The following DROSHA variants were observed in gnomAD, a reference collection of about 807,000 sequenced individuals.
DROSHA encodes drosha ribonuclease III, also known as ribonuclease 3.
DROSHA carries 56 observed loss-of-function variants against 181.9 expected under a neutral mutation model. That is an observed-to-expected ratio of 0.31 (90% confidence interval 0.25 to 0.38). The LOEUF is 0.38. Ranked by LOEUF, DROSHA falls within the 10% of genes least tolerant of loss-of-function variation. DROSHA has a pLI of 1.00. For synonymous variants in DROSHA, 524 were observed against 591.2 expected (o/e 0.89, Z 1.65); for missense variants, 1,218 against 1,743.5 (o/e 0.70, Z 5.37).
chr5:31,493,246 A>G lies in DROSHA; in HGVS notation c.1803T>C (p.Phe601=). The change falls in exon 13 of 36, where the codon TTT becomes TTC. Residue 601 remains phenylalanine, a synonymous_variant. Transcript: ENST00000344624. The part of the protein sequence containing the change: ...VIEYDDHEYI[F]EGFSMFAHAP... ...CATGTGCAAACATAGAAAATCCTTC[A>G]AAGATATACTCGTGATCATCGTATT... 1 of 1,607,214 alleles carries G rather than the reference A, an allele frequency of 6.2e-7. No individual in the cohort carries two copies.
intron 11 of DROSHA, among the ~76,000 whole-genome samples, chr5:31,498,069 T>A (rs1248710992): frequency 6.6e-6 from 1 of 152,176 alleles, no homozygotes; most frequent in Non-Finnish European, 1.5e-5. Flanking sequence ...TAAACTATTC[T>A]TGTAAGGGGA....
intron 10 of DROSHA, 112 bp from the exon 11 acceptor site, chr5:31,504,747 G>A (rs1737700348): frequency 2.9e-6 from 3 of 1,048,240 alleles, no homozygotes; most frequent in East Asian, 2.6e-5. Flanking sequence ...GAAGCTCTGA[G>A]AGGCTGTCAC....
chr5:31,458,363 T>C (rs1482308322), intron 20 of DROSHA, among the ~76,000 whole-genome samples: 1 of 152,232 alleles, frequency 6.6e-6, no homozygotes, highest in Non-Finnish European at 1.5e-5. Flanking sequence ...TTGTTGTATG[T>C]TATGGAATAA....
At chr5:31,483,299 C>T (rs1182745507) in intron 16 of DROSHA, among the ~76,000 whole-genome samples, 2 of 152,104 alleles carry the variant, frequency 1.3e-5, no homozygotes, top group African/African-American at 2.4e-5. Context: ...TTAACACACC[C>T]GCATGATATT....
At chr5:31,479,451 T>C (rs879737400) in intron 16 of DROSHA, among the ~76,000 whole-genome samples, 17 of 152,176 alleles carry the variant, frequency 1.1e-4, no homozygotes, top group Non-Finnish European at 2.4e-4. Context: ...TTTTGACCCA[T>C]ATCTCATACG....
intron 30 of DROSHA, among the ~76,000 whole-genome samples, chr5:31,420,342 C>G (rs1164581992): frequency 6.6e-6 from 1 of 152,164 alleles, no homozygotes; most frequent in Non-Finnish European, 1.5e-5. Flanking sequence ...AATGTCCAGT[C>G]CTCAAGGGAC....
intron 30 of DROSHA, among the ~76,000 whole-genome samples, chr5:31,418,712 G>T (rs1742274338): frequency 6.6e-6 from 1 of 152,136 alleles, no homozygotes; most frequent in Non-Finnish European, 1.5e-5. Context: ...CACTGTCAGG[G>T]CTTGTGAATG....
chr5:31,485,760 C>A (rs973046922), intron 14 of DROSHA, among the ~76,000 whole-genome samples: 5 of 151,988 alleles, frequency 3.3e-5, no homozygotes, highest in African/African-American at 1.2e-4. Context: ...CAACTAGGCA[C>A]ACATGTGATG....
intron 35 of DROSHA, among the ~76,000 whole-genome samples, chr5:31,403,223 C>T (rs1740242197): frequency 6.6e-6 from 1 of 152,332 alleles, no homozygotes; most frequent in East Asian, 1.9e-4. Context: ...CCCCACTAAG[C>T]TGTAAAGCAA....
rs2150028051 is a variant in DROSHA, at chr5:31,470,285, G to A, written c.2241+1778C>T. Reference sequence around the variant, plus strand: ...ATTCCTCAGAGATCTTACTGTTTAGGAAGCACCCCTGGCAAGCCTATCCCA... The same window carrying A: ...ATTCCTCAGAGATCTTACTGTTTAGAAAGCACCCCTGGCAAGCCTATCCCA... On this transcript the variant is annotated intron_variant, in intron 17 of 35. Transcript: ENST00000344624. The surrounding 1 kb of genome is among the most constrained non-coding windows in gnomAD (Gnocchi z 4.0). Among the ~76,000 whole-genome samples, 1 of 152,214 alleles carries A rather than the reference G, an allele frequency of 6.6e-6. No individual in the cohort carries two copies. Among genetic ancestry groups the A allele is most frequent in the Non-Finnish European group, 1.5e-5 (1 of 68,008 alleles).
chr5:31,508,567 T>G, intron 10 of DROSHA, 54 bp downstream of exon 10: 21 of 1,610,208 alleles, frequency 1.3e-5, no homozygotes, highest in Non-Finnish European at 1.7e-5. Context: ...CCCAGAGCAA[T>G]AACCGTTATG....
intron 34 of DROSHA, 58 bp downstream of exon 34, chr5:31,406,795 G>A (rs772851914): frequency 9.4e-6 from 14 of 1,492,220 alleles, no homozygotes; most frequent in Non-Finnish European, 1.2e-5. Flanking sequence ...ATAGCAGCTA[G>A]GGAATTAGAC....
Position 31,448,598 on chromosome 5 carries a change from G to A in DROSHA, c.2831C>T (p.Thr944Ile). 6.2e-7 allele frequency: 1 copy of A among 1,612,982 alleles called. No homozygotes were observed. Among genetic ancestry groups the A allele is most frequent in the South Asian group, 1.1e-5 (1 of 91,000 alleles). Reference sequence around the variant, plus strand: ...AAGGCGTGACATGATATTTATCAAGGTGTTAATCCCTATTTAAAATAAAAA... The same window carrying A: ...AAGGCGTGACATGATATTTATCAAGATGTTAATCCCTATTTAAAATAAAAA... ...HMHMRKKGIN[T>I]LINIMSRLGQ... Residue 944 changes from threonine (T) to isoleucine (I), a missense_variant, in exon 23 of 36, where the codon ACC (threonine) becomes ATC (isoleucine). Physicochemically the swap from Thr to Ile is moderately conservative, Grantham distance 89. Around this residue, in one of 8 missense-constraint regions of DROSHA, gnomAD observed 460 missense variants for 774.2 expected, o/e 0.59. Coordinates refer to ENST00000344624, the MANE Select transcript of DROSHA (RefSeq NM_001382508.1).
At chr5:31,502,792 A>T (rs1580321400) in intron 11 of DROSHA, among the ~76,000 whole-genome samples, 1 of 152,194 alleles carries the variant, frequency 6.6e-6, no homozygotes. Context: ...ATGGCACTAC[A>T]GCCTCACTCT....
intron 16 of DROSHA, among the ~76,000 whole-genome samples, chr5:31,481,425 C>A (rs1051595252): frequency 2.0e-5 from 3 of 152,182 alleles, no homozygotes; most frequent in Admixed American, 6.5e-5. Context: ...CCCACTTTCT[C>A]TCAGACATCT....
chr5:31,528,948 T>A, intron 4 of DROSHA, 92 bp downstream of exon 4: 1 of 1,518,218 alleles, frequency 6.6e-7, no homozygotes, highest in Non-Finnish European at 9.0e-7. Flanking sequence ...TCCCCATGTA[T>A]CTAAATCCTT....
chr5:31,474,228 T>G (rs1024700141), intron 16 of DROSHA, among the ~76,000 whole-genome samples: 8 of 152,352 alleles, frequency 5.3e-5, no homozygotes, highest in Middle Eastern at 3.4e-3. Flanking sequence ...ATCTACTAAT[T>G]CGTAGCAGTG....
intron 30 of DROSHA, among the ~76,000 whole-genome samples, chr5:31,416,707 C>T (rs1350572614): frequency 1.3e-5 from 2 of 152,138 alleles, no homozygotes; most frequent in East Asian, 3.9e-4. Flanking sequence ...CAGGAGGAGG[C>T]CTGGAGAAAT....
chr5:31,506,269 G>A (rs1321753620), intron 10 of DROSHA, among the ~76,000 whole-genome samples: 3 of 151,972 alleles, frequency 2.0e-5, no homozygotes, highest in Non-Finnish European at 4.4e-5. Context: ...GGCTGAGGCA[G>A]GGAGAATTGC....
Sources: gnomAD v4.1 joint callset for allele counts (sites outside exome capture counted in the v4.1 genomes callset) on GRCh38, gnomAD v4.1.1 for gene constraint, gnomAD v4.1.1 regional missense constraint, Gnocchi (gnomAD v3.1) non-coding constraint, MANE v1.5 for transcripts, NCBI Gene and HGNC (gene_info 2026-07-23, HGNC 2026-07-21) for gene names.